The following ANKRD30B variants were observed in gnomAD, a reference collection of about 807,000 sequenced individuals.
ANKRD30B encodes ankyrin repeat domain 30B.
In ANKRD30B, 144 loss-of-function variants were observed where a neutral mutation model predicts 202.2. That is an observed-to-expected ratio of 0.71 (90% confidence interval 0.62 to 0.82). The LOEUF (loss-of-function observed/expected upper bound fraction) is 0.82. Ranked by LOEUF, ANKRD30B falls within the 40% of genes least tolerant of loss-of-function variation. ANKRD30B has a pLI of 0.00. For synonymous variants in ANKRD30B, 508 were observed against 561.3 expected, an observed-to-expected ratio of 0.91 and a Z score of 1.34; for missense variants, 1,487 against 1,669.1, an observed-to-expected ratio of 0.89 and a Z score of 1.90.
At chr18:14,887,258 C>G in the ANKRD30B span, among the ~76,000 whole-genome samples, 1 of 151,982 alleles carries the variant, frequency 6.6e-6, no homozygotes, top group African/African-American at 2.4e-5. Context: ...GCCCCTTATT[C>G]CTAACTGTAT....
At chr18:14,933,825 G>A in the ANKRD30B span, among the ~76,000 whole-genome samples, 1 of 152,318 alleles carries the variant, frequency 6.6e-6, no homozygotes, top group Middle Eastern at 3.4e-3. Context: ...GTCAAGTGCA[G>A]ATGGTGAAAC....
At chr18:14,754,865 T>G (rs1286849181) in intron 3 of ANKRD30B, 34 bp from the exon 4 acceptor site, 1 of 1,410,280 alleles carries the variant, frequency 7.1e-7, no homozygotes, top group Non-Finnish European at 9.5e-7. Flanking sequence ...AATATGTAAT[T>G]TCATGAATTA....
At chr18:14,864,195 C>T in the ANKRD30B span, among the ~76,000 whole-genome samples, 3 of 151,944 alleles carry the variant, frequency 2.0e-5, no homozygotes, top group Admixed American at 6.6e-5. Flanking sequence ...ATTAGCTGGG[C>T]GTCGTGGTGC....
At position 14,772,160 on chromosome 18, in the gene ANKRD30B, T is replaced by C; in HGVS notation, c.1261T>C (p.Phe421Leu). The C allele has an allele frequency of 1.3e-6, 2 of 1,498,766 alleles. No homozygotes were observed. Among genetic ancestry groups the C allele is most frequent in the Non-Finnish European group, 1.8e-6 (2 of 1,117,164 alleles). The allele number at this position is 1,498,766 out of a possible 1,614,324, so 92.8% of individuals were successfully genotyped here. A position where few individuals can be genotyped will look rare whatever the true frequency, so the allele number is the denominator to read the frequency against. ...TTGTATCATTTTTCTTTAAAGTCTT[T>C]TTGGCACACGGACTATTGAAAATTC... ...VSSVEPIFSL[F>L]GTRTIENSQC... Residue 421 changes from phenylalanine to leucine, a missense_variant, in exon 9 of 44, where the codon TTT becomes CTT. This residue lies in a region of ANKRD30B where 889 missense variants were observed against 841.4 expected (regional missense o/e 1.06). Transcript: ENST00000690538.
At chr18:14,865,185 G>A in the ANKRD30B span, among the ~76,000 whole-genome samples, 36 of 146,842 alleles carry the variant, frequency 2.5e-4, no homozygotes, top group East Asian at 3.0e-3. Flanking sequence ...TCTGCCTATC[G>A]TCTTTTCGCA....
At chr18:14,754,823 G>A in intron 3 of ANKRD30B, 76 bp from the exon 4 acceptor site, 2 of 996,094 alleles carry the variant, frequency 2.0e-6, no homozygotes, top group Non-Finnish European at 2.8e-6. Context: ...AAGTTAATAG[G>A]ATATAATATA....
In ANKRD30B at chr18:14,852,403, G is replaced by T; in HGVS notation, c.4459G>T (p.Glu1487Ter). ...LKERIDQYEKEKAEREVIVRQ... is the reference protein window; with the variant it reads ...LKERIDQYEK ...AGAACGTATAGATCAATATGAAAAA[G>T]AGAAAGCAGAAAGAGAAGTAAGTAT... Residue 1487 changes from glutamate (E) to a stop codon, truncating the protein, a stop_gained, in exon 42 of 44, where the codon GAG becomes TAG. Coordinates refer to ENST00000690538, the MANE Select transcript of ANKRD30B (RefSeq NM_001367607.2). LOFTEE classifies it high-confidence loss of function. 6.6e-7 allele frequency: 1 copy of T among 1,519,782 alleles called. No homozygotes were observed. Among genetic ancestry groups the T allele is most frequent in the East Asian group, 2.5e-5 (1 of 40,746 alleles). The allele number at this position is 1,519,782 out of a possible 1,614,324, so 94.1% of individuals were successfully genotyped here. A position where few individuals can be genotyped will look rare whatever the true frequency, so the allele number is the denominator to read the frequency against.
At position 14,837,774 on chromosome 18, in the gene ANKRD30B, A is replaced by G. The variant is rs543035360; in HGVS notation, c.2988+98A>G. On this transcript the variant is annotated intron_variant, in intron 36 of 43. Coordinates refer to ENST00000690538, the MANE Select transcript of ANKRD30B (RefSeq NM_001367607.2). ...TGACTTTATTCTCTCACCTCTGATT[A>G]TGTCCATAAGGCGGGTGGATCACGA... 1.6e-5 allele frequency: 20 copies of G among 1,251,640 alleles called. No homozygotes were observed. In the East Asian group the frequency reaches 5.4e-4, roughly 34 times the overall value. The allele number at this position is 1,251,640 out of a possible 1,614,324, so 77.5% of individuals were successfully genotyped here. A position where few individuals can be genotyped will look rare whatever the true frequency, so the allele number is the denominator to read the frequency against.
At chr18:14,794,615 C>A (rs977413986) in intron 16 of ANKRD30B, among the ~76,000 whole-genome samples, 1 of 152,226 alleles carries the variant, frequency 6.6e-6, no homozygotes, top group African/African-American at 2.4e-5. Flanking sequence ...ATTAATGAAT[C>A]GAGGACGATC....
At chr18:14,826,390 T>G (rs1381565797) in intron 32 of ANKRD30B, among the ~76,000 whole-genome samples, 1 of 152,184 alleles carries the variant, frequency 6.6e-6, no homozygotes, top group Non-Finnish European at 1.5e-5. Flanking sequence ...TCTACAGTGG[T>G]AATCTGTTCA....
At chr18:14,921,978 CA>C in the ANKRD30B span, among the ~76,000 whole-genome samples, 1 of 152,028 alleles carries the variant, frequency 6.6e-6, no homozygotes, top group African/African-American at 2.4e-5. Context: ...CAAAAACAAA[CA>C]AAAAAATCCT....
chr18:14,790,375 C>A (rs9989501), intron 15 of ANKRD30B, among the ~76,000 whole-genome samples: 77,032 of 151,898 alleles, frequency 0.51, 19,713 homozygotes, highest in Non-Finnish European at 0.53. Context: ...ATTGAATACC[C>A]TTTATTTCCT....
intron 22 of ANKRD30B, among the ~76,000 whole-genome samples, chr18:14,800,468 A>G (rs56197653): frequency 0.6 from 89,318 of 147,842 alleles, 28,023 homozygotes; most frequent in African/African-American, 0.73. Flanking sequence ...GGGAATCCAG[A>G]CGCCTACCAC....
chr18:14,894,342 AC>A, the ANKRD30B span, among the ~76,000 whole-genome samples: 171 of 152,292 alleles, frequency 1.1e-3, no homozygotes, highest in African/African-American at 3.9e-3. Context: ...TTTTTTAATT[AC>A]CAATAGCTTT....
chr18:14,860,767 T>C, the ANKRD30B span, among the ~76,000 whole-genome samples: 1 of 151,986 alleles, frequency 6.6e-6, no homozygotes. Flanking sequence ...TGCAGTGGTG[T>C]GATGTCAGCT....
At chr18:14,870,570 G>A in the ANKRD30B span, among the ~76,000 whole-genome samples, 1 of 152,146 alleles carries the variant, frequency 6.6e-6, no homozygotes, top group African/African-American at 2.4e-5. Context: ...CTGACAGTGG[G>A]GTCCTGGTCT....
chr18:14,805,612 C>T (rs190536500), intron 24 of ANKRD30B, among the ~76,000 whole-genome samples: 2 of 150,672 alleles, frequency 1.3e-5, no homozygotes, highest in African/African-American at 4.9e-5. Context: ...GCTGAACTCT[C>T]ATCCGAACTG....
the ANKRD30B span, among the ~76,000 whole-genome samples, chr18:14,896,223 C>T: frequency 3.6e-4 from 55 of 151,976 alleles, no homozygotes; most frequent in African/African-American, 1.3e-3. Context: ...GCTCCGCCTC[C>T]CAGGTTTGTG....
In ANKRD30B at chr18:14,822,674, GC is replaced by G; in HGVS notation, c.2741del (p.Ala914GlufsTer4). ...ATTGAAGGACAGAGAAACATTCAAA[GC>G]AGGTAAATTTTGTAATTTTAATTTT... ...LELKDRETFK[A>X]EDVSSVESTF... On this transcript the variant is annotated frameshift_variant and splice_region_variant, in exon 32 of 44. Transcript: ENST00000690538. LOFTEE classifies it high-confidence loss of function. 7.2e-7 allele frequency: 1 copy of G among 1,388,666 alleles called. No homozygotes were observed. Among genetic ancestry groups the G allele is most frequent in the Admixed American group, 2.8e-5 (1 of 36,248 alleles). The allele number at this position is 1,388,666 out of a possible 1,614,324, so 86.0% of individuals were successfully genotyped here. A position where few individuals can be genotyped will look rare whatever the true frequency, so the allele number is the denominator to read the frequency against.
Sources: allele counts gnomAD v4.1 joint callset (sites outside exome capture counted in the v4.1 genomes callset), GRCh38; gene constraint gnomAD v4.1.1; regional missense constraint gnomAD v4.1.1; transcripts MANE v1.5; gene names NCBI Gene and HGNC (gene_info 2026-07-23, HGNC 2026-07-21).